THSD7A: variants seen among roughly 807,000 people sequenced by gnomAD.
The protein encoded by THSD7A is thrombospondin type 1 domain containing 7A, also known as thrombospondin type-1 domain-containing protein 7A.
Under a neutral mutation model 231.3 loss-of-function variants are expected in THSD7A, and 96 were observed. That is an observed-to-expected ratio of 0.41 (90% CI 0.35 to 0.49). The LOEUF is 0.49. THSD7A is among the 20% of genes least tolerant of loss of function. THSD7A has a pLI of 0.05. For missense variants in THSD7A, 2,290 were observed against 2,070.2 expected, an observed-to-expected ratio of 1.11 and a Z score of -2.06; for synonymous variants, 940 against 743.3, an observed-to-expected ratio of 1.26 and a Z score of -4.30.
At chr7:11,822,821 T>C (rs1261444371) in intron 1 of THSD7A, among the ~76,000 whole-genome samples, 1 of 152,112 alleles carries the variant, frequency 6.6e-6, no homozygotes, top group East Asian at 1.9e-4. Flanking sequence ...ATAAACAGTA[T>C]ATTACAATAT....
At chr7:11,565,900 G>T (rs938260190) in intron 4 of THSD7A, among the ~76,000 whole-genome samples, 1 of 152,050 alleles carries the variant, frequency 6.6e-6, no homozygotes, top group African/African-American at 2.4e-5. Context: ...AACTGAATTG[G>T]CAGGTCTGAA....
At chr7:11,624,912 A>G (rs903667854) in intron 2 of THSD7A, among the ~76,000 whole-genome samples, 2 of 152,136 alleles carry the variant, frequency 1.3e-5, no homozygotes, top group Non-Finnish European at 2.9e-5. Context: ...TAATTTTATT[A>G]TATGGGATCC....
In THSD7A at chr7:11,389,176, T is replaced by C. The variant is rs79543098; in HGVS notation, c.4412-6560A>G. On this transcript the variant is annotated intron_variant, in intron 23 of 27. Transcript: ENST00000423059. ...CCTGAATATCCTTGTTAATTTTCTG[T>C]CATGTTGATCAGTCTATTATTGGCA... Among the ~76,000 whole-genome samples, 162 of 152,278 alleles carry C rather than the reference T, an allele frequency of 1.1e-3. 4 individuals carry two copies. The East Asian group carries it at 0.029, about 27-fold the overall frequency.
rs148839865 is a variant in THSD7A at position 11,748,235 on chromosome 7, G to C, written c.190+83522C>G. Among the ~76,000 whole-genome samples, 4 of 152,000 alleles carry C rather than the reference G, an allele frequency of 2.6e-5. No individual in the cohort carries two copies. In the East Asian group the frequency reaches 7.8e-4, roughly 30 times the overall value. Reference sequence around the variant, plus strand: ...ATTGTTTCAGAAGGCAAAAATGATGGAGTTACTGACATGATTAAATTTGAA... The same window carrying C: ...ATTGTTTCAGAAGGCAAAAATGATGCAGTTACTGACATGATTAAATTTGAA... On this transcript the variant is annotated intron_variant, in intron 1 of 27. Coordinates refer to ENST00000423059, the MANE Select transcript of THSD7A (RefSeq NM_015204.3).
intron 13 of THSD7A, among the ~76,000 whole-genome samples, chr7:11,442,468 C>T (rs1020470661): frequency 6.6e-6 from 1 of 152,020 alleles, no homozygotes; most frequent in African/African-American, 2.4e-5. Flanking sequence ...TTGCACTGCA[C>T]ACACGGGGAT....
chr7:11,828,580 T>C (rs181260441), intron 1 of THSD7A, among the ~76,000 whole-genome samples: 3 of 152,248 alleles, frequency 2.0e-5, no homozygotes, highest in Non-Finnish European at 2.9e-5. Context: ...CTGTAATCAG[T>C]TGAATAAGAA....
rs1472883477 is a variant in THSD7A at position 11,481,888 on chromosome 7, T to C, written c.1917A>G (p.Thr639=). 4.3e-6 allele frequency: 7 copies of C among 1,613,684 alleles called. No individual in the cohort carries two copies. The South Asian group carries it at 6.6e-5, about 15-fold the overall frequency. ...APCPKDCVLS[T]WSTWSSCSHT... Reference sequence around the variant, plus strand: ...GTGAGCAGGAGGACCACGTAGACCATGTGCTGAGCACACAGTCTTTCGGGC... The same window carrying C: ...GTGAGCAGGAGGACCACGTAGACCACGTGCTGAGCACACAGTCTTTCGGGC... The change falls in exon 7 of 28, where the codon ACA becomes ACG. Residue 639 remains threonine, a synonymous_variant. Transcript: ENST00000423059.
At chr7:11,787,490 A>G (rs1014104909) in intron 1 of THSD7A, among the ~76,000 whole-genome samples, 2 of 152,094 alleles carry the variant, frequency 1.3e-5, no homozygotes, top group Non-Finnish European at 2.9e-5. Flanking sequence ...ATTGGGAGAA[A>G]ATTTTCAAAA....
chr7:11,755,724 C>A (rs991987095), intron 1 of THSD7A, among the ~76,000 whole-genome samples: 2 of 152,064 alleles, frequency 1.3e-5, no homozygotes, highest in African/African-American at 4.8e-5. Context: ...TGGCTCAGAG[C>A]AGACCAGGGG....
chr7:11,394,901 T>C (rs187879919), intron 23 of THSD7A, among the ~76,000 whole-genome samples: 110 of 152,322 alleles, frequency 7.2e-4, no homozygotes, highest in African/African-American at 2.6e-3. Flanking sequence ...ATGAAGAAAC[T>C]GCATCAACTA....
At chr7:11,641,992 C>G (rs1584132772) in intron 1 of THSD7A, among the ~76,000 whole-genome samples, 1 of 152,002 alleles carries the variant, frequency 6.6e-6, no homozygotes, top group Admixed American at 6.6e-5. Flanking sequence ...GAAAAAGGAC[C>G]ACATTCAATA....
At chr7:11,568,639 AAAAAAAAAAAAAAAACC>A (rs1282412903) in intron 4 of THSD7A, among the ~76,000 whole-genome samples, 6 of 141,876 alleles carry the variant, frequency 4.2e-5, no homozygotes, top group Non-Finnish European at 7.6e-5. Flanking sequence ...AAAAAAAAAA[AAAAAAAAAAAAAAAACC>A]AAAATCTGGA....
chr7:11,697,054 C>T (rs1242697423), intron 1 of THSD7A, among the ~76,000 whole-genome samples: 1 of 151,282 alleles, frequency 6.6e-6, no homozygotes, highest in African/African-American at 2.4e-5. Context: ...ATTGCTATCT[C>T]CTTGAATTTA....
chr7:11,620,412 A>G (rs1428310349), intron 2 of THSD7A, among the ~76,000 whole-genome samples: 1 of 152,208 alleles, frequency 6.6e-6, no homozygotes, highest in Non-Finnish European at 1.5e-5. Flanking sequence ...AATAATAAAT[A>G]CAAAGCCTGT....
At chr7:11,536,751 T>C (rs746359657) in intron 6 of THSD7A, among the ~76,000 whole-genome samples, 46 of 152,278 alleles carry the variant, frequency 3.0e-4, no homozygotes, top group Admixed American at 2.0e-4. Context: ...ACCTGGCCTA[T>C]GCTTCTGGAA....
intron 1 of THSD7A, among the ~76,000 whole-genome samples, chr7:11,674,165 G>T (rs1783537223): frequency 6.6e-6 from 1 of 151,980 alleles, no homozygotes; most frequent in Non-Finnish European, 1.5e-5. Context: ...ATCCCCCCTT[G>T]GGACAAAGGA....
At chr7:11,708,960 G>T (rs1169749873) in intron 1 of THSD7A, among the ~76,000 whole-genome samples, 3 of 150,662 alleles carry the variant, frequency 2.0e-5, no homozygotes, top group Non-Finnish European at 3.0e-5. Context: ...CAATGCCACA[G>T]GAGTGGTTTA....
Position 11,541,608 on chromosome 7 carries a change from T to C in THSD7A, c.1633A>G (p.Ile545Val). The change falls in exon 6 of 28, where the codon ATT becomes GTT. Residue 545 changes from isoleucine (I) to valine (V), a missense_variant. Coordinates refer to ENST00000423059, the MANE Select transcript of THSD7A (RefSeq NM_015204.3). ...KKGFKLRKRR[I>V]TNEPTGGSGV... The stretch of plus-strand genomic sequence containing the variant: ...GAGCCTCCAGTGGGCTCATTGGTAA[T>C]GCGCCGCTTCCTCAGTTTGAAGCCT... 2 of 1,613,886 alleles carry C rather than the reference T, an allele frequency of 1.2e-6. No homozygotes were observed. Among genetic ancestry groups the C allele is most frequent in the Non-Finnish European group, 1.7e-6 (2 of 1,179,846 alleles).
At chr7:11,584,880 G>A (rs1791329349) in intron 4 of THSD7A, among the ~76,000 whole-genome samples, 1 of 152,204 alleles carries the variant, frequency 6.6e-6, no homozygotes, top group Non-Finnish European at 1.5e-5. Flanking sequence ...GGCAGTGTGA[G>A]TGCGAATATA....
Sources: allele counts gnomAD v4.1 joint callset (sites outside exome capture counted in the v4.1 genomes callset), GRCh38; gene constraint gnomAD v4.1.1; transcripts MANE v1.5; gene names NCBI Gene and HGNC (gene_info 2026-07-23, HGNC 2026-07-21).